Variants in OXLD1 observed in about 807,000 individuals in gnomAD.
The protein encoded by OXLD1 is oxidoreductase-like domain-containing protein 1.
OXLD1 carries 4 observed loss-of-function variants against 3.1 expected under a neutral mutation model. That is an observed-to-expected ratio of 1.28 (90% CI 0.63 to 2.92). The LOEUF is 2.92. Among genes scored for constraint, OXLD1 ranks in the 30% most tolerant of loss-of-function variants. OXLD1 has a pLI of 0.01. For missense variants in OXLD1, 240 were observed against 204.6 expected, an observed-to-expected ratio of 1.17 and a Z score of -1.05; for synonymous variants, 100 against 87.0, an observed-to-expected ratio of 1.15 and a Z score of -0.83.
In OXLD1 at chr17:81,665,177, G is replaced by A. The variant is rs371953459; in HGVS notation, c.*24C>T. On this transcript the variant is annotated 3_prime_UTR_variant, in exon 2 of 2. Coordinates refer to ENST00000374741, the MANE Select transcript of OXLD1 (RefSeq NM_001039842.3). ...GGCTGCGTCCTGGACTCCGTCCTGC[G>A]GTAGGGAGTCCAGCAGGGATGGCTC... The A allele has an allele frequency of 6.3e-6, 10 of 1,587,332 alleles. No homozygotes were observed. In the African/African-American group the frequency reaches 8.0e-5, roughly 13 times the overall value.
rs1598729915 is a variant in OXLD1, at chr17:81,666,224, G to C, written c.60+294C>G. ...CGGCCAGTCCCCAGAGCCCAGGAGG[G>C]CTCGCACACAGGCGCTCGGCAGATA... On this transcript the variant is annotated intron_variant, in intron 1 of 1. Coordinates refer to ENST00000374741, the MANE Select transcript of OXLD1 (RefSeq NM_001039842.3). The C allele has an allele frequency of 6.2e-6, 3 of 484,724 alleles. No homozygotes were observed. The East Asian group carries it at 1.1e-4, about 17-fold the overall frequency. 30.0% of individuals were successfully genotyped at this position (484,724 alleles called of 1,614,324 possible).
Position 81,665,403 on chromosome 17 carries a change from G to T in OXLD1, c.242C>A (p.Pro81Gln). 6.2e-7 allele frequency: 1 copy of T among 1,613,544 alleles called. No homozygotes were observed. The highest frequency in any genetic ancestry group is 1.7e-5 in the Admixed American group (1 of 60,014). The change falls in exon 2 of 2, where the codon CCA becomes CAA. Residue 81 changes from proline to glutamine, a missense_variant. By Grantham distance (76) the Pro-to-Gln change is moderately conservative. Coordinates refer to ENST00000374741, the MANE Select transcript of OXLD1 (RefSeq NM_001039842.3). ...GTTTGTGGGCGGCTGGAGCTCAGGT[G>T]GCAGCGATGCCTTGGGCGGCCTGGT... ...DGTRPPKASL[P>Q]PELQPPTNCC...
chr17:81,665,332 C>T lies in OXLD1; in HGVS notation c.313G>A (p.Asp105Asn). Residue 105 changes from aspartate (D) to asparagine (N), a missense_variant, in exon 2 of 2, where the codon GAC becomes AAC. Asp to Asn is a conservative substitution (Grantham distance 23, BLOSUM62 1). Coordinates refer to ENST00000374741, the MANE Select transcript of OXLD1 (RefSeq NM_001039842.3). ...TCCTGGAAGTGCTGCAGCAGCCTGT[C>T]CGCGTACTCCACCCACACGCAGTTG... ...CPNCVWVEYA[D>N]RLLQHFQDGG... 6.2e-7 allele frequency: 1 copy of T among 1,613,500 alleles called. No individual in the cohort carries two copies. The highest frequency in any genetic ancestry group is 1.1e-5 in the South Asian group (1 of 91,080).
intron 1 of OXLD1, chr17:81,666,315 C>T: frequency 1.8e-6 from 1 of 569,092 alleles, no homozygotes; most frequent in Non-Finnish European, 2.9e-6. Context: ...GGCCCCTCCA[C>T]AGATTCCGGG....
Position 81,665,287 on chromosome 17 carries a change from C to G in OXLD1, c.358G>C (p.Ala120Pro), listed in dbSNP as rs1465608738. 4.3e-6 allele frequency: 7 copies of G among 1,613,550 alleles called. No homozygotes were observed. The highest frequency in any genetic ancestry group is 5.9e-6 in the Non-Finnish European group (7 of 1,180,014). Reference sequence around the variant, plus strand: ...TCAGCCACGTGCTCCTCCAGGGCAGCCAGGGCCCGCTCCCCACCGTCCTGG... The same window carrying G: ...TCAGCCACGTGCTCCTCCAGGGCAGGCAGGGCCCGCTCCCCACCGTCCTGG... ...HFQDGGERAL[A>P]ALEEHVADEN... The change falls in exon 2 of 2, where the codon GCT (alanine) becomes CCT (proline). Residue 120 changes from alanine (A) to proline (P), a missense_variant. By Grantham distance (27) the Ala-to-Pro change is conservative. Coordinates refer to ENST00000374741, the MANE Select transcript of OXLD1 (RefSeq NM_001039842.3).
Position 81,665,464 on chromosome 17 carries a change from G to C in OXLD1, c.181C>G (p.His61Asp), listed in dbSNP as rs150774233. 63 of 1,613,398 alleles carry C rather than the reference G, an allele frequency of 3.9e-5. No homozygotes were observed. The highest frequency in any genetic ancestry group is 5.3e-5 in the Non-Finnish European group (63 of 1,180,020). ...CCTGCTTGGGAGCCCACCTCTACGT[G>C]GTCTGTCCCGAATTTTCTGCGCCCA... is the stretch of plus-strand genomic sequence containing the variant. ...PDGRRKFGTD[H>D]VEVGSQAGAD... Residue 61 changes from histidine (H) to aspartate (D), a missense_variant, in exon 2 of 2, where the codon CAC (histidine) becomes GAC (aspartate). By Grantham distance (81) the His-to-Asp change is moderately conservative. Coordinates refer to ENST00000374741, the MANE Select transcript of OXLD1 (RefSeq NM_001039842.3).
In OXLD1 at chr17:81,665,056, G is replaced by C; in HGVS notation, c.*145C>G. The C allele has an allele frequency of 2.6e-6, 3 of 1,147,382 alleles. No homozygotes were observed. Among genetic ancestry groups the C allele is most frequent in the East Asian group, 2.5e-5 (1 of 39,322 alleles). The allele number at this position is 1,147,382 out of a possible 1,614,324, so 71.1% of individuals were successfully genotyped here. A position where few individuals can be genotyped will look rare whatever the true frequency, so the allele number is the denominator to read the frequency against. On this transcript the variant is annotated 3_prime_UTR_variant, in exon 2 of 2. Coordinates refer to ENST00000374741, the MANE Select transcript of OXLD1 (RefSeq NM_001039842.3). ...AAACCTCCTGTGAAACCACCATAGA[G>C]AATTTATTTTTTTCTCAGGTGAAGT...
rs560750595 is a variant in OXLD1 at position 81,665,039 on chromosome 17, T to C, written c.*162A>G. The C allele has an allele frequency of 3.0e-6, 3 of 1,001,100 alleles. No individual in the cohort carries two copies. The highest frequency in any genetic ancestry group is 4.1e-5 in the South Asian group (2 of 49,368). The allele number at this position is 1,001,100 out of a possible 1,614,324, so 62.0% of individuals were successfully genotyped here. ...AACCACCCCCAAAACAAAAACCTCC[T>C]GTGAAACCACCATAGAGAATTTATT... On this transcript the variant is annotated 3_prime_UTR_variant, in exon 2 of 2. Transcript: ENST00000374741.
At position 81,665,358 on chromosome 17, in the gene OXLD1, G is replaced by C; in HGVS notation, c.287C>G (p.Pro96Arg). 1.9e-6 allele frequency: 3 copies of C among 1,613,562 alleles called. 1 individual carries two copies. Among genetic ancestry groups the C allele is most frequent in the Non-Finnish European group, 2.5e-6 (3 of 1,180,024 alleles). The change falls in exon 2 of 2, where the codon CCC becomes CGC. Residue 96 changes from proline (P) to arginine (R), a missense_variant. Transcript: ENST00000374741. ...PPTNCCMSGC[P>R]NCVWVEYADR... ...CGCGTACTCCACCCACACGCAGTTG[G>C]GGCAGCCACTCATGCAGCAGTTTGT...
At chr17:81,666,304 C>T in intron 1 of OXLD1, 1 of 532,162 alleles carries the variant, frequency 1.9e-6, no homozygotes, top group Non-Finnish European at 3.2e-6. Flanking sequence ...CAAGGCTAAG[C>T]GGCCCCTCCA....
Position 81,665,315 on chromosome 17 carries a change from G to C in OXLD1, c.330C>G (p.His110Gln). 2 of 1,613,558 alleles carry C rather than the reference G, an allele frequency of 1.2e-6. No homozygotes were observed. Among genetic ancestry groups the C allele is most frequent in the Non-Finnish European group, 8.5e-7 (1 of 1,180,034 alleles). The change falls in exon 2 of 2, where the codon CAC (histidine) becomes CAG (glutamine). Residue 110 changes from histidine to glutamine, a missense_variant. By Grantham distance (24) the His-to-Gln change is conservative. Transcript: ENST00000374741. The stretch of plus-strand genomic sequence containing the variant: ...GGGCCCGCTCCCCACCGTCCTGGAA[G>C]TGCTGCAGCAGCCTGTCCGCGTACT... ...WVEYADRLLQ[H>Q]FQDGGERALA...
Position 81,665,478 on chromosome 17 carries a change from T to A in OXLD1, c.167A>T (p.Lys56Ile), listed in dbSNP as rs1187775078. Residue 56 changes from lysine to isoleucine, a missense_variant, in exon 2 of 2, where the codon AAA (lysine) becomes ATA (isoleucine). Lys to Ile is a moderately radical substitution (Grantham distance 102, BLOSUM62 -3). Coordinates refer to ENST00000374741, the MANE Select transcript of OXLD1 (RefSeq NM_001039842.3). ...CACCTCTACGTGGTCTGTCCCGAAT[T>A]TTCTGCGCCCATCAGGGGCTTGCGC... The part of the protein sequence containing the change: ...PGAQAPDGRR[K>I]FGTDHVEVGS... 6.2e-7 allele frequency: 1 copy of A among 1,613,132 alleles called. No homozygotes were observed. The highest frequency in any genetic ancestry group is 1.7e-5 in the Admixed American group (1 of 59,990).
Position 81,666,590 on chromosome 17 carries a change from G to C in OXLD1, c.-13C>G. 6.9e-7 allele frequency: 1 copy of C among 1,445,674 alleles called. No homozygotes were observed. 89.6% of individuals were successfully genotyped at this position (1,445,674 alleles called of 1,614,324 possible). ...TCCGCAGCAGCATCGCCCGCGGACG[G>C]GATCCGGCAACCCCTGACCGTGAGC... On this transcript the variant is annotated 5_prime_UTR_variant, in exon 1 of 2. Coordinates refer to ENST00000374741, the MANE Select transcript of OXLD1 (RefSeq NM_001039842.3).
chr17:81,665,962 A>G, intron 1 of OXLD1: 1 of 375,734 alleles, frequency 2.7e-6, no homozygotes, highest in South Asian at 6.9e-5. Flanking sequence ...CACCTCTACC[A>G]GTATAACCAA....
At position 81,665,360 on chromosome 17, in the gene OXLD1, GC is replaced by G. The variant is rs1444703913; in HGVS notation, c.284del (p.Cys95SerfsTer88). Reference sequence around the variant, plus strand: ...CGTACTCCACCCACACGCAGTTGGGGCAGCCACTCATGCAGCAGTTTGTGGG... The same window carrying G: ...CGTACTCCACCCACACGCAGTTGGGGAGCCACTCATGCAGCAGTTTGTGGG... ...QPPTNCCMSG[C>X]PNCVWVEYAD... On this transcript the variant is annotated frameshift_variant, in exon 2 of 2. Transcript: ENST00000374741. LOFTEE classifies it high-confidence loss of function. 2 of 1,612,664 alleles carry G rather than the reference GC, an allele frequency of 1.2e-6. No individual in the cohort carries two copies. The highest frequency in any genetic ancestry group is 1.7e-6 in the Non-Finnish European group (2 of 1,179,960).
chr17:81,666,379 C>T (rs2036619588), intron 1 of OXLD1, 139 bp downstream of exon 1: 6 of 1,009,856 alleles, frequency 5.9e-6, no homozygotes, highest in Non-Finnish European at 8.4e-6. Context: ...CCTTCGGCGG[C>T]GGCCAGCGCG....
intron 1 of OXLD1, 89 bp downstream of exon 1, chr17:81,666,429 C>A: frequency 1.4e-6 from 2 of 1,459,734 alleles, no homozygotes; most frequent in East Asian, 2.7e-5. Flanking sequence ...GGTGGAGGGG[C>A]CGGGGCTCCT....
At chr17:81,665,803 G>GA (rs2036599474) in intron 1 of OXLD1, 1 of 588,716 alleles carries the variant, frequency 1.7e-6, no homozygotes, top group Admixed American at 3.5e-5. Flanking sequence ...TGATTCACAA[G>GA]AAGTGCCAGG....
Position 81,665,150 on chromosome 17 carries a change from G to A in OXLD1, c.*51C>T. The A allele has an allele frequency of 6.5e-7, 1 of 1,534,728 alleles. No homozygotes were observed. Among genetic ancestry groups the A allele is most frequent in the Non-Finnish European group, 8.8e-7 (1 of 1,138,700 alleles). ...TGAGGGGGTGTGAAGGAAGGAGGCTGCGGCTGCGTCCTGGACTCCGTCCTG... is the reference window on the plus strand; with the variant it reads ...TGAGGGGGTGTGAAGGAAGGAGGCTACGGCTGCGTCCTGGACTCCGTCCTG... On this transcript the variant is annotated 3_prime_UTR_variant, in exon 2 of 2. Transcript: ENST00000374741.
Sources: allele counts gnomAD v4.1 joint callset, GRCh38; gene constraint gnomAD v4.1.1; transcripts MANE v1.5; gene names NCBI Gene and HGNC (gene_info 2026-07-23, HGNC 2026-07-21).